The following SHOX variants were observed in gnomAD, a reference collection of about 807,000 sequenced individuals.
The protein encoded by SHOX is SHOX homeobox, also known as short stature homeobox protein.
In SHOX, 12 loss-of-function variants were observed where a neutral mutation model predicts 29.6. That is an observed-to-expected ratio of 0.41 (90% CI 0.26 to 0.66). The LOEUF (loss-of-function observed/expected upper bound fraction) is 0.66, where lower values mean the gene tolerates loss of function less well. Among genes scored for constraint, SHOX ranks in the 30% least tolerant of loss-of-function variants. SHOX has a pLI of 0.35. For synonymous variants in SHOX, 214 were observed against 200.6 expected, an observed-to-expected ratio of 1.07 and a Z score of -0.57; for missense variants, 499 against 437.7, an observed-to-expected ratio of 1.14 and a Z score of -1.25.
chrX:633,729 C>A (rs1007161326), intron 1 of SHOX, among the ~76,000 whole-genome samples: 2 of 151,968 alleles, frequency 1.3e-5, no homozygotes, highest in South Asian at 2.1e-4. Context: ...TCAGCAGGCC[C>A]GAGATAGGAA....
intron 1 of SHOX, among the ~76,000 whole-genome samples, chrX:631,392 C>G (rs1463528888): frequency 6.6e-6 from 1 of 152,140 alleles, no homozygotes; most frequent in Non-Finnish European, 1.5e-5. Context: ...CGGGGGGACC[C>G]AGGGAGGGTC....
upstream of SHOX, among the ~76,000 whole-genome samples, chrX:630,064 C>A (rs2052619180): frequency 6.6e-6 from 1 of 152,138 alleles, no homozygotes; most frequent in South Asian, 2.1e-4. Flanking sequence ...ACCGGATCTC[C>A]CGGGGACCTG....
Position 634,609 on chromosome X carries a change from C to G in SHOX, c.278-9C>G, listed in dbSNP as rs1334022897. On this transcript the variant is annotated splice_polypyrimidine_tract_variant and intron_variant, in intron 1 of 4. Coordinates refer to ENST00000686671, the MANE Select transcript of SHOX (RefSeq NM_000451.4). The stretch of plus-strand genomic sequence containing the variant: ...GGCCTCAGCCCTGTGCCCTCCGCTC[C>G]CCACGCAGGGATTTATGAATGCAAA... The G allele has an allele frequency of 6.2e-7, 1 of 1,613,176 alleles. No homozygotes were observed. The highest frequency in any genetic ancestry group is 1.1e-5 in the South Asian group (1 of 90,966).
At chrX:632,976 C>A (rs747490350) in intron 1 of SHOX, among the ~76,000 whole-genome samples, 1 of 152,264 alleles carries the variant, frequency 6.6e-6, no homozygotes, top group South Asian at 2.1e-4. Flanking sequence ...CCCGGGAGAG[C>A]AAAGTGTCCT....
Position 648,918 on chromosome X carries a change from T to TCCTTCC in SHOX, c.*4282_*4283insCCTTCC, listed in dbSNP as rs1569495690. Among the ~76,000 whole-genome samples, 11 of 146,670 alleles carry TCCTTCC rather than the reference T, an allele frequency of 7.5e-5. No individual in the cohort carries two copies. Among genetic ancestry groups the TCCTTCC allele is most frequent in the African/African-American group, 2.8e-4 (11 of 39,492 alleles). On this transcript the variant is annotated 3_prime_UTR_variant, in exon 5 of 5. Transcript: ENST00000686671. ...TTCCTTCCTTCCTTCCTTTCTTTCT[T>TCCTTCC]TTTCTTTCTTTCTCTCTTTCTTTCT...
chrX:626,439 CTCTT>C (rs1230766723), upstream of SHOX, among the ~76,000 whole-genome samples: 2 of 66,544 alleles, frequency 3.0e-5, no homozygotes, highest in Non-Finnish European at 7.7e-5. Context: ...GTTCCTCTCT[CTCTT>C]TTTCTCTTTC....
chrX:626,666 T>A (rs1295745751), upstream of SHOX, among the ~76,000 whole-genome samples: 3 of 145,834 alleles, frequency 2.1e-5, no homozygotes, highest in East Asian at 4.0e-4. Context: ...TTTTTCTCTG[T>A]CTCTGTATCT....
At chrX:652,890 T>C (rs1234922638), downstream of SHOX, among the ~76,000 whole-genome samples, 1 of 73,780 alleles carries the variant, frequency 1.4e-5, no homozygotes. Flanking sequence ...AGCCTGTTTT[T>C]TAGGGGCAAA....
downstream of SHOX, among the ~76,000 whole-genome samples, chrX:652,264 G>T (rs1221738312): frequency 2.6e-5 from 4 of 151,740 alleles, no homozygotes; most frequent in Non-Finnish European, 5.9e-5. Context: ...GTCTTGCAAG[G>T]ATGATTGAGT....
chrX:651,390 A>G lies in SHOX; in HGVS notation c.*6754A>G, dbSNP rs1256135588. On this transcript the variant is annotated 3_prime_UTR_variant, in exon 5 of 5. Coordinates refer to ENST00000686671, the MANE Select transcript of SHOX (RefSeq NM_000451.4). ...ATTGTCGGCAGGCGGTGAGGGGTAGAAAAAAAACAAACAAACAAACAGAAA... is the reference window on the plus strand; with the variant it reads ...ATTGTCGGCAGGCGGTGAGGGGTAGGAAAAAAACAAACAAACAAACAGAAA... The G allele has an allele frequency of 2.2e-6, 1 of 447,454 alleles. No homozygotes were observed. Among genetic ancestry groups the G allele is most frequent in the Admixed American group, 2.4e-5 (1 of 41,462 alleles). The allele number at this position is 447,454 out of a possible 1,614,324, so 27.7% of individuals were successfully genotyped here. A position where few individuals can be genotyped will look rare whatever the true frequency, so the allele number is the denominator to read the frequency against.
rs957790295 is a variant in SHOX at position 647,138 on chromosome X, A to G, written c.*2502A>G. On this transcript the variant is annotated 3_prime_UTR_variant, in exon 5 of 5. Transcript: ENST00000686671. ...GTCCCCCAGGCTGGAGTGCAGTGGC[A>G]CAATCTCGGCTCACCGCAACCTCCG... Among the ~76,000 whole-genome samples, 13 of 152,216 alleles carry G rather than the reference A, an allele frequency of 8.5e-5. No individual in the cohort carries two copies. Among genetic ancestry groups the G allele is most frequent in the African/African-American group, 2.9e-4 (12 of 41,444 alleles).
chrX:636,868 CT>C (rs1185502393), intron 2 of SHOX, among the ~76,000 whole-genome samples: 1 of 145,034 alleles, frequency 6.9e-6, no homozygotes, highest in Non-Finnish European at 1.5e-5. Flanking sequence ...TCAAACACAA[CT>C]TTTCCATCGA....
chrX:630,518 T>G, upstream of SHOX: 1 of 387,654 alleles, frequency 2.6e-6, no homozygotes, highest in Non-Finnish European at 4.8e-6. Flanking sequence ...GGGTAACCTG[T>G]GTGGGGGGCT....
chrX:642,025 G>T (rs1173952383), intron 4 of SHOX, among the ~76,000 whole-genome samples: 6 of 152,222 alleles, frequency 3.9e-5, no homozygotes, highest in Non-Finnish European at 7.3e-5. Context: ...GCGCTTGGGT[G>T]CCCAGCGTGG....
intron 1 of SHOX, among the ~76,000 whole-genome samples, chrX:633,523 A>G (rs2052685064): frequency 6.6e-6 from 1 of 151,394 alleles, no homozygotes; most frequent in African/African-American, 2.4e-5. Context: ...GAAGGAAGAA[A>G]GACAGAACAG....
chrX:627,380 G>A (rs766457182), upstream of SHOX, among the ~76,000 whole-genome samples: 1 of 152,268 alleles, frequency 6.6e-6, no homozygotes, highest in African/African-American at 2.4e-5. Context: ...GGAAGGGCAG[G>A]GAGAGAACGT....
At chrX:638,003 C>A (rs2052786464) in intron 2 of SHOX, among the ~76,000 whole-genome samples, 2 of 152,158 alleles carry the variant, frequency 1.3e-5, no homozygotes, top group Non-Finnish European at 2.9e-5. Context: ...CAACAAATAT[C>A]TTTGGGTTTA....
At chrX:626,471 C>G (rs2052537509), upstream of SHOX, among the ~76,000 whole-genome samples, 1 of 136,936 alleles carries the variant, frequency 7.3e-6, no homozygotes, top group Non-Finnish European at 1.6e-5. Context: ...CTCTGTCTAT[C>G]TCTGTCTCTC....
intron 1 of SHOX, 118 bp from the exon 2 acceptor site, chrX:634,500 G>C: frequency 9.2e-7 from 1 of 1,087,062 alleles, no homozygotes; most frequent in Non-Finnish European, 1.4e-6. Flanking sequence ...CGCAGTTTTT[G>C]CGTCAAAGCG....
Sources: allele counts gnomAD v4.1 joint callset (sites outside exome capture counted in the v4.1 genomes callset), GRCh38; gene constraint gnomAD v4.1.1; transcripts MANE v1.5; gene names NCBI Gene and HGNC (gene_info 2026-07-23, HGNC 2026-07-21).